The following TTC6 variants were observed in gnomAD, a reference collection of about 807,000 sequenced individuals.
The protein encoded by TTC6 is tetratricopeptide repeat domain 6, also known as tetratricopeptide repeat protein 6.
In TTC6, 172 loss-of-function variants were observed where a neutral mutation model predicts 210.4. That is an observed-to-expected ratio of 0.82 (90% CI 0.72 to 0.93). The LOEUF (loss-of-function observed/expected upper bound fraction) is 0.93, where lower values mean the gene tolerates loss of function less well. TTC6 is among the 40% of genes least tolerant of loss of function. The probability of loss-of-function intolerance (pLI) is 0.00; values close to 1 mark genes in which losing one functional copy is unlikely to be tolerated. For missense variants in TTC6, 2,414 were observed against 2,318.1 expected, an observed-to-expected ratio of 1.04 and a Z score of -0.85; for synonymous variants, 804 against 819.6, an observed-to-expected ratio of 0.98 and a Z score of 0.32.
intron 24 of TTC6, among the ~76,000 whole-genome samples, chr14:37,812,042 C>A (rs1037238781): frequency 1.3e-4 from 20 of 152,138 alleles, no homozygotes; most frequent in African/African-American, 4.8e-4. Context: ...CCCTTCCAGC[C>A]CGTACACCAG....
chr14:37,720,524 AC>A (rs2095859725), intron 6 of TTC6: 1 of 149,902 alleles, frequency 6.7e-6, no homozygotes, highest in African/African-American at 2.5e-5. Context: ...CAGCCTCCTT[AC>A]CCATGAGCTA....
intron 1 of TTC6, among the ~76,000 whole-genome samples, chr14:37,679,455 G>T (rs1368630894): frequency 6.6e-6 from 1 of 152,070 alleles, no homozygotes; most frequent in Non-Finnish European, 1.5e-5. Context: ...TGGTAAAAAT[G>T]ATACTAACAG....
At chr14:37,623,269 A>G (rs974316249) in intron 1 of TTC6, among the ~76,000 whole-genome samples, 1 of 152,204 alleles carries the variant, frequency 6.6e-6, no homozygotes, top group East Asian at 1.9e-4. Context: ...TTAGCTGAAG[A>G]CTTCAGTAAT....
At chr14:37,749,960 C>T in intron 12 of TTC6, 117 bp downstream of exon 14, 1 of 712,576 alleles carries the variant, frequency 1.4e-6, no homozygotes, top group Non-Finnish European at 1.9e-6. Flanking sequence ...TGACTTTCCT[C>T]AGTTAAATTT....
At chr14:37,752,329 T>G (rs369453757) in intron 13 of TTC6, among the ~76,000 whole-genome samples, 1 of 152,020 alleles carries the variant, frequency 6.6e-6, no homozygotes, top group East Asian at 1.9e-4. Context: ...TGACATCCAC[T>G]TGACATTTTT....
chr14:37,694,764 G>T (rs2095811392), intron 3 of TTC6, among the ~76,000 whole-genome samples: 1 of 152,090 alleles, frequency 6.6e-6, no homozygotes, highest in African/African-American at 2.4e-5. Context: ...GAATGAGGCT[G>T]GGCACAGTGG....
chr14:37,746,044 T>A (rs887656003), intron 10 of TTC6, among the ~76,000 whole-genome samples: 1 of 152,202 alleles, frequency 6.6e-6, no homozygotes, highest in Admixed American at 6.5e-5. Flanking sequence ...CCTTTAGGCA[T>A]TTAGTTACTG....
chr14:37,796,752 G>A (rs777223083), intron 19 of TTC6, 35 bp from the exon 22 acceptor site: 20 of 1,570,466 alleles, frequency 1.3e-5, no homozygotes, highest in Non-Finnish European at 1.6e-5. Context: ...ATTGATACTT[G>A]GCAAAGATAT....
chr14:37,640,606 G>A (rs536237326), intron 1 of TTC6, among the ~76,000 whole-genome samples: 3 of 151,890 alleles, frequency 2.0e-5, no homozygotes, highest in Non-Finnish European at 4.4e-5. Context: ...ACAATGTCAC[G>A]ATCTCGGCTC....
chr14:37,761,152 A>C (rs191646205), intron 14 of TTC6, among the ~76,000 whole-genome samples: 2 of 152,254 alleles, frequency 1.3e-5, no homozygotes, highest in Admixed American at 6.5e-5. Flanking sequence ...GTGTAGGCAC[A>C]CAGGGAGTCT....
At chr14:37,615,842 T>G (rs920612505) in intron 2 of TTC6, among the ~76,000 whole-genome samples, 1 of 152,262 alleles carries the variant, frequency 6.6e-6, no homozygotes, top group Non-Finnish European at 1.5e-5. Flanking sequence ...TGTCCTTTTC[T>G]AATAATCTCA....
intron 1 of TTC6, among the ~76,000 whole-genome samples, chr14:37,635,568 A>C (rs904548347): frequency 6.6e-6 from 1 of 152,216 alleles, no homozygotes; most frequent in African/African-American, 2.4e-5. Context: ...TTCCAATATG[A>C]TGATATTGGT....
intron 1 of TTC6, among the ~76,000 whole-genome samples, chr14:37,659,503 G>T (rs942346605): frequency 6.9e-6 from 1 of 144,644 alleles, no homozygotes; most frequent in Non-Finnish European, 1.5e-5. Context: ...ATGGTATCTC[G>T]TTGTCGTTTT....
chr14:37,778,775 C>A (rs1201795059), intron 14 of TTC6, among the ~76,000 whole-genome samples: 1 of 152,132 alleles, frequency 6.6e-6, no homozygotes, highest in Non-Finnish European at 1.5e-5. Context: ...TGAGGCTGCA[C>A]TATGAGCAGG....
intron 29 of TTC6, among the ~76,000 whole-genome samples, chr14:37,829,377 T>C (rs77920128): frequency 2.6e-4 from 39 of 151,930 alleles, no homozygotes; most frequent in Non-Finnish European, 5.4e-4. Context: ...TTTTTTGGCT[T>C]TTTTTCAGTT....
At chr14:37,661,737 A>G (rs1031908862) in intron 1 of TTC6, among the ~76,000 whole-genome samples, 1 of 152,168 alleles carries the variant, frequency 6.6e-6, no homozygotes, top group African/African-American at 2.4e-5. Context: ...TGGGAATAGC[A>G]TTAAATCTAT....
intron 27 of TTC6, among the ~76,000 whole-genome samples, chr14:37,825,305 A>G (rs2096168187): frequency 6.6e-6 from 1 of 152,158 alleles, no homozygotes. Context: ...TTGTGTTGAC[A>G]GTGTGGATTT....
upstream of TTC6, among the ~76,000 whole-genome samples, chr14:37,617,291 T>C (rs2095644356): frequency 6.6e-6 from 1 of 152,226 alleles, no homozygotes; most frequent in Admixed American, 6.5e-5. Context: ...TTAGCTGTTA[T>C]GTATTTATAT....
intron 1 of TTC6, among the ~76,000 whole-genome samples, chr14:37,630,001 CAGTT>C (rs2139334620): frequency 6.6e-6 from 1 of 152,048 alleles, no homozygotes; most frequent in East Asian, 1.9e-4. Flanking sequence ...CTGCTGGACT[CAGTT>C]TGTTAATCTT....
Sources: gnomAD v4.1 joint callset for allele counts (sites outside exome capture counted in the v4.1 genomes callset) on GRCh38, gnomAD v4.1.1 for gene constraint, MANE v1.5 for transcripts, NCBI Gene and HGNC (gene_info 2026-07-23, HGNC 2026-07-21) for gene names.